The following PPP2R2A variants were observed in gnomAD, a reference collection of about 807,000 sequenced individuals.
The protein encoded by PPP2R2A is protein phosphatase 2 regulatory subunit Balpha, also known as serine/threonine-protein phosphatase 2A 55 kDa regulatory subunit B alpha isoform.
A neutral mutation model predicts 53.2 loss-of-function variants in PPP2R2A; 9 were observed. The observed-to-expected ratio is 0.17, with a 90% confidence interval of 0.10 to 0.30. The LOEUF (loss-of-function observed/expected upper bound fraction) is 0.30. Among genes scored for constraint, PPP2R2A ranks in the 10% least tolerant of loss-of-function variants. The pLI is 1.00. For synonymous variants in PPP2R2A, 169 were observed against 174.2 expected (o/e 0.97, Z 0.23); for missense variants, 235 against 534.6 (o/e 0.44, Z 5.53).
rs549290329 is a variant in PPP2R2A at position 26,323,723 on chromosome 8, C to T, written c.83-15167C>T. Reference sequence around the variant, plus strand: ...CTATCCCCGTGGAGTTGGAGTGCGCCACCTACGCAGCTCCTGGATGTGTTC... The same window carrying T: ...CTATCCCCGTGGAGTTGGAGTGCGCTACCTACGCAGCTCCTGGATGTGTTC... On this transcript the variant is annotated intron_variant, in intron 2 of 9. Coordinates refer to ENST00000380737, the MANE Select transcript of PPP2R2A (RefSeq NM_002717.4). Among the ~76,000 whole-genome samples, 4 of 152,280 alleles carry T rather than the reference C, an allele frequency of 2.6e-5. No homozygotes were observed. In the East Asian group the frequency reaches 7.7e-4, roughly 29 times the overall value.
chr8:26,344,580 T>G (rs1487626765), intron 3 of PPP2R2A, among the ~76,000 whole-genome samples: 1 of 152,204 alleles, frequency 6.6e-6, no homozygotes, highest in East Asian at 1.9e-4. Context: ...TGAACAGCCT[T>G]GGTTCTAGTC....
chr8:26,308,252 C>G (rs57281374), intron 2 of PPP2R2A, among the ~76,000 whole-genome samples: 2 of 152,042 alleles, frequency 1.3e-5, no homozygotes, highest in East Asian at 3.9e-4. Flanking sequence ...TGGTGTTTGC[C>G]GAAGGTTGGA....
In PPP2R2A at chr8:26,354,703, G is replaced by C; in HGVS notation, c.346+70G>C. 1 of 1,286,496 alleles carries C rather than the reference G, an allele frequency of 7.8e-7. No individual in the cohort carries two copies. Among genetic ancestry groups the C allele is most frequent in the Non-Finnish European group, 1.0e-6 (1 of 983,844 alleles). The allele number at this position is 1,286,496 out of a possible 1,614,324, so 79.7% of individuals were successfully genotyped here. On this transcript the variant is annotated intron_variant, in intron 4 of 9. Coordinates refer to ENST00000380737, the MANE Select transcript of PPP2R2A (RefSeq NM_002717.4). The surrounding 1 kb of genome is among the most constrained non-coding windows in gnomAD (Gnocchi z 4.6). ...GTTGCACATATCCTGTAGCCTAGGA[G>C]AGGAATCATTTAACAGAGATACTTG...
At chr8:26,326,569 G>A (rs757725639) in intron 2 of PPP2R2A, among the ~76,000 whole-genome samples, 2 of 152,172 alleles carry the variant, frequency 1.3e-5, no homozygotes, top group South Asian at 2.1e-4. Flanking sequence ...CATAGCCATA[G>A]TAATCCTAAT....
chr8:26,370,009 G>T lies in PPP2R2A; in HGVS notation c.1065-125G>T. The T allele has an allele frequency of 1.1e-6, 1 of 914,318 alleles. No individual in the cohort carries two copies. Among genetic ancestry groups the T allele is most frequent in the Non-Finnish European group, 1.7e-6 (1 of 605,336 alleles). The allele number at this position is 914,318 out of a possible 1,614,324, so 56.6% of individuals were successfully genotyped here. ...TCTAGTGATTGAGTTGATGTCAACAGCCCCTGTCCCTTAGTTTAAATCTGC... is the reference window on the plus strand; with the variant it reads ...TCTAGTGATTGAGTTGATGTCAACATCCCCTGTCCCTTAGTTTAAATCTGC... On this transcript the variant is annotated intron_variant, in intron 9 of 9. Coordinates refer to ENST00000380737, the MANE Select transcript of PPP2R2A (RefSeq NM_002717.4). This position sits in a 1 kb window ranked among gnomAD's most constrained non-coding sequence, Gnocchi z 6.1.
At position 26,320,737 on chromosome 8, in the gene PPP2R2A, GTAT is replaced by G. The variant is rs532834257; in HGVS notation, c.83-18142_83-18140del. On this transcript the variant is annotated intron_variant, in intron 2 of 9. Transcript: ENST00000380737. ...GTTTTAAACGGAACCAAGTTTGGTG[GTAT>G]TATTATTATTTTTTTAAAAGAAAGC... Among the ~76,000 whole-genome samples the G allele has an allele frequency of 1.6e-3, 250 of 152,220 alleles. 1 individual carries two copies. The highest frequency in any genetic ancestry group is 3.2e-3 in the African/African-American group (134 of 41,526).
Position 26,351,727 on chromosome 8 carries a change from A to G in PPP2R2A, c.181-2741A>G, listed in dbSNP as rs531267147. Among the ~76,000 whole-genome samples the G allele has an allele frequency of 7.2e-5, 11 of 152,276 alleles. 1 individual carries two copies. In the South Asian group the frequency reaches 1.9e-3, roughly 26 times the overall value. ...ATTGCCCAGCAAGGCAACCTTTGTC[A>G]TCATTTAGGCCTGTTTCTGGGCCAT... On this transcript the variant is annotated intron_variant, in intron 3 of 9. Coordinates refer to ENST00000380737, the MANE Select transcript of PPP2R2A (RefSeq NM_002717.4).
intron 8 of PPP2R2A, among the ~76,000 whole-genome samples, chr8:26,364,091 T>C (rs940721238): frequency 2.0e-5 from 3 of 152,202 alleles, no homozygotes; most frequent in Non-Finnish European, 4.4e-5. Flanking sequence ...CTCTTGAGTT[T>C]TGCAGTTAAA....
In PPP2R2A at chr8:26,293,676, A is replaced by T. The variant is rs1413011339; in HGVS notation, c.18A>T (p.Gly6=). ...GTTTTCTTTTTCCAGGAGCTGGAGG[A>T]GGGAATGATATTCAGTGGTGTTTTT... MAGAG[G]GNDIQWCFSQ... is the part of the protein sequence containing the mutation. The change falls in exon 2 of 10, where the codon GGA becomes GGT. Residue 6 remains glycine (G), a synonymous_variant. Transcript: ENST00000380737. 6.2e-7 allele frequency: 1 copy of T among 1,612,078 alleles called. No individual in the cohort carries two copies. Among genetic ancestry groups the T allele is most frequent in the African/African-American group, 1.3e-5 (1 of 74,838 alleles).
intron 2 of PPP2R2A, among the ~76,000 whole-genome samples, chr8:26,331,155 C>A (rs1397043601): frequency 6.6e-6 from 1 of 152,174 alleles, no homozygotes; most frequent in East Asian, 1.9e-4. Context: ...AACCTCTGGC[C>A]TCTGGATTCT....
At chr8:26,305,591 C>T (rs1801981572) in intron 2 of PPP2R2A, among the ~76,000 whole-genome samples, 1 of 152,136 alleles carries the variant, frequency 6.6e-6, no homozygotes, top group South Asian at 2.1e-4. Flanking sequence ...GTTCCCAGCA[C>T]TGTGGAGAAT....
At chr8:26,351,151 C>G (rs1410588955) in intron 3 of PPP2R2A, among the ~76,000 whole-genome samples, 7 of 151,750 alleles carry the variant, frequency 4.6e-5, no homozygotes, top group Non-Finnish European at 1.0e-4. Flanking sequence ...ACTGGTTTTT[C>G]TGTCCTGTAT....
chr8:26,349,699 C>T (rs1397093033), intron 3 of PPP2R2A, among the ~76,000 whole-genome samples: 3 of 152,188 alleles, frequency 2.0e-5, no homozygotes, highest in East Asian at 3.8e-4. Context: ...GAACTTCCTA[C>T]GCTTCCACAA....
At chr8:26,337,383 T>C (rs1803719028) in intron 2 of PPP2R2A, among the ~76,000 whole-genome samples, 1 of 152,218 alleles carries the variant, frequency 6.6e-6, no homozygotes, top group Admixed American at 6.5e-5. Context: ...TGTATGTTTG[T>C]ATTATTATTT....
chr8:26,332,518 G>A (rs373289810), intron 2 of PPP2R2A, among the ~76,000 whole-genome samples: 15 of 151,164 alleles, frequency 9.9e-5, no homozygotes, highest in African/African-American at 1.9e-4. Flanking sequence ...CTTATGTCTT[G>A]TAATTCATGC....
At position 26,370,395 on chromosome 8, in the gene PPP2R2A, T is replaced by C. The variant is rs1805610135; in HGVS notation, c.1326T>C (p.Phe442=). The change falls in exon 10 of 10, where the codon TTT becomes TTC. Residue 442 remains phenylalanine, a synonymous_variant. Transcript: ENST00000380737. This position sits in a 1 kb window ranked among gnomAD's most constrained non-coding sequence, Gnocchi z 6.1. Reference sequence around the variant, plus strand: ...CTACTACAAACAATCTGTATATATTTCAAGACAAAGTGAATTAGGGTTGGC... The same window carrying C: ...CTACTACAAACAATCTGTATATATTCCAAGACAAAGTGAATTAGGGTTGGC... ...AVATTNNLYI[F]QDKVN The C allele has an allele frequency of 6.2e-7, 1 of 1,613,978 alleles. No homozygotes were observed. Among genetic ancestry groups the C allele is most frequent in the Admixed American group, 1.7e-5 (1 of 60,010 alleles).
Position 26,370,087 on chromosome 8 carries a change from A to G in PPP2R2A, c.1065-47A>G, listed in dbSNP as rs763469557. The stretch of plus-strand genomic sequence containing the variant: ...TGCCGAATCATTTTACTTGAAAACA[A>G]TTTCTTGTTCTGCTTGTTTGACTGA... On this transcript the variant is annotated intron_variant, in intron 9 of 9. Coordinates refer to ENST00000380737, the MANE Select transcript of PPP2R2A (RefSeq NM_002717.4). The surrounding 1 kb of genome is among the most constrained non-coding windows in gnomAD (Gnocchi z 6.1). The G allele has an allele frequency of 7.7e-6, 12 of 1,564,488 alleles. No homozygotes were observed. Among genetic ancestry groups the G allele is most frequent in the Admixed American group, 1.8e-5 (1 of 54,748 alleles).
intron 3 of PPP2R2A, among the ~76,000 whole-genome samples, chr8:26,349,194 T>C (rs1048155628): frequency 1.3e-5 from 2 of 152,062 alleles, no homozygotes; most frequent in African/African-American, 4.8e-5. Flanking sequence ...TTTTTGTTCA[T>C]TTAAGGGAAA....
At chr8:26,347,899 C>G (rs1195894734) in intron 3 of PPP2R2A, among the ~76,000 whole-genome samples, 1 of 152,148 alleles carries the variant, frequency 6.6e-6, no homozygotes, top group Non-Finnish European at 1.5e-5. Flanking sequence ...TTTGAGATTT[C>G]TCTTGTGTTT....
Sources: allele counts gnomAD v4.1 joint callset (sites outside exome capture counted in the v4.1 genomes callset), GRCh38; gene constraint gnomAD v4.1.1; non-coding constraint Gnocchi (gnomAD v3.1); transcripts MANE v1.5; gene names NCBI Gene and HGNC (gene_info 2026-07-23, HGNC 2026-07-21).